FRMD3: variants seen among roughly 807,000 people sequenced by gnomAD.
FRMD3 encodes the protein FERM domain-containing protein 3.
In FRMD3, 33 loss-of-function variants were observed where a neutral mutation model predicts 70.2. That is an observed-to-expected ratio of 0.47 (90% CI 0.36 to 0.63). FRMD3 has a LOEUF of 0.63. Among genes scored for constraint, FRMD3 ranks in the 20% least tolerant of loss-of-function variants. The pLI is 0.00. For missense variants in FRMD3, 632 were observed against 711.4 expected (o/e 0.89, Z 1.27); for synonymous variants, 279 against 255.9 (o/e 1.09, Z -0.86).
upstream of FRMD3, among the ~76,000 whole-genome samples, chr9:83,541,251 ATT>A (rs143159843): frequency 0.017 from 2,654 of 152,354 alleles, 87 homozygotes; most frequent in African/African-American, 0.059. Context: ...GAATTGCAAG[ATT>A]CTGCTAATTT....
intron 6 of FRMD3, among the ~76,000 whole-genome samples, chr9:83,334,880 C>G (rs991623655): frequency 3.3e-5 from 5 of 152,166 alleles, no homozygotes; most frequent in Non-Finnish European, 1.5e-5. Context: ...TGCCTCGGTT[C>G]CCTCATCTGT....
rs62563595 is a variant in FRMD3 at position 83,301,051 on chromosome 9, A to C, written c.927-1865T>G. On this transcript the variant is annotated intron_variant, in intron 10 of 13. Transcript: ENST00000304195. ...GAGTAAGATGGGCAAGGGAGGGCAC[A>C]GGGCTTGGCAGGGGGATCCTGTCAG... Among the ~76,000 whole-genome samples, 1,518 of 152,334 alleles carry C rather than the reference A, an allele frequency of 1.0e-2. 35 individuals carry two copies. The highest frequency in any genetic ancestry group is 0.051 in the Admixed American group (786 of 15,300).
rs555035714 is a variant in FRMD3 at position 83,320,020 on chromosome 9, T to C, written c.597-6273A>G. On this transcript the variant is annotated intron_variant, in intron 6 of 13. Coordinates refer to ENST00000304195, the MANE Select transcript of FRMD3 (RefSeq NM_174938.6). Reference sequence around the variant, plus strand: ...GCATATATATCTTGTATTCCAAAACTTTACTGAATTCATTTATTAAATCTA... The same window carrying C: ...GCATATATATCTTGTATTCCAAAACCTTACTGAATTCATTTATTAAATCTA... 5.3e-5 allele frequency among the ~76,000 whole-genome samples: 8 copies of C among 152,358 alleles called. No individual in the cohort carries two copies. In the East Asian group the frequency reaches 1.5e-3, roughly 29 times the overall value.
At chr9:83,466,204 TC>T (rs1358044442) in intron 1 of FRMD3, among the ~76,000 whole-genome samples, 10 of 152,300 alleles carry the variant, frequency 6.6e-5, no homozygotes, top group African/African-American at 2.2e-4. Flanking sequence ...TACCAAGGGA[TC>T]CCCGAGGGAA....
chr9:83,378,774 A>T (rs11140062), intron 2 of FRMD3, among the ~76,000 whole-genome samples: 12 of 107,480 alleles, frequency 1.1e-4, no homozygotes, highest in African/African-American at 3.9e-4. Flanking sequence ...TATTATATAT[A>T]ATATATATTA....
At chr9:83,392,200 T>C (rs995782550) in intron 1 of FRMD3, among the ~76,000 whole-genome samples, 3 of 152,288 alleles carry the variant, frequency 2.0e-5, no homozygotes, top group East Asian at 3.9e-4. Context: ...AATAGCCCTT[T>C]GCAGTTCTGC....
At chr9:83,328,038 G>A (rs1166676960) in intron 6 of FRMD3, among the ~76,000 whole-genome samples, 1 of 152,106 alleles carries the variant, frequency 6.6e-6, no homozygotes, top group Non-Finnish European at 1.5e-5. Flanking sequence ...GGCCATGCAG[G>A]GACAAGGCTT....
chr9:83,452,667 A>G (rs1432124848), intron 1 of FRMD3, among the ~76,000 whole-genome samples: 3 of 151,788 alleles, frequency 2.0e-5, no homozygotes, highest in Non-Finnish European at 4.4e-5. Flanking sequence ...TATTTTTAGT[A>G]GAGACGGGGT....
At chr9:83,522,063 G>A (rs920315069) in intron 1 of FRMD3, among the ~76,000 whole-genome samples, 2 of 151,432 alleles carry the variant, frequency 1.3e-5, no homozygotes, top group East Asian at 1.9e-4. Flanking sequence ...ACCAAGGAAG[G>A]GGGTGTGGGA....
At chr9:83,307,755 A>G (rs983113260) in intron 10 of FRMD3, among the ~76,000 whole-genome samples, 1 of 152,238 alleles carries the variant, frequency 6.6e-6, no homozygotes, top group South Asian at 2.1e-4. Context: ...TTTGTGAATT[A>G]CACTAAAAAC....
intron 3 of FRMD3, among the ~76,000 whole-genome samples, chr9:83,358,126 G>A (rs568474922): frequency 1.3e-5 from 2 of 152,306 alleles, no homozygotes; most frequent in African/African-American, 4.8e-5. Flanking sequence ...TGAGAGATGA[G>A]GATCCAGTTT....
chr9:83,551,470 C>T, the FRMD3 span, among the ~76,000 whole-genome samples: 3 of 152,086 alleles, frequency 2.0e-5, no homozygotes, highest in Non-Finnish European at 4.4e-5. Flanking sequence ...GCTTTGATAT[C>T]AAAATGACAC....
chr9:83,503,078 G>A (rs2131515715), intron 1 of FRMD3, among the ~76,000 whole-genome samples: 1 of 152,268 alleles, frequency 6.6e-6, no homozygotes, highest in African/African-American at 2.4e-5. Context: ...ATTGGGAAGG[G>A]CAGAATTTCT....
intron 1 of FRMD3, among the ~76,000 whole-genome samples, chr9:83,393,226 A>T (rs1825716736): frequency 6.6e-6 from 1 of 152,218 alleles, no homozygotes; most frequent in African/African-American, 2.4e-5. Context: ...TCTATAGTAC[A>T]CTGTGACTTG....
Position 83,461,665 on chromosome 9 carries a change from C to CTTTTTT in FRMD3, c.148-71963_148-71958dup, listed in dbSNP as rs200147815. On this transcript the variant is annotated intron_variant, in intron 1 of 13. Coordinates refer to ENST00000304195, the MANE Select transcript of FRMD3 (RefSeq NM_174938.6). ...AATCTTAATTCCTTCAGGAATTTCC[C>CTTTTTT]TTTTTTTTTTTTTTTTTTTTTTTTT... is the stretch of plus-strand genomic sequence containing the variant. 4.1e-4 allele frequency among the ~76,000 whole-genome samples: 29 copies of CTTTTTT among 70,698 alleles called. 4 individuals are homozygous for CTTTTTT. The highest frequency in any genetic ancestry group is 1.0e-3 in the South Asian group (2 of 1,944). The allele number at this position is 70,698 out of a possible 152,430, so 46.4% of individuals were successfully genotyped here. A position where few individuals can be genotyped will look rare whatever the true frequency, so the allele number is the denominator to read the frequency against.
chr9:83,504,610 C>T (rs866636203), intron 1 of FRMD3, among the ~76,000 whole-genome samples: 4 of 151,640 alleles, frequency 2.6e-5, no homozygotes, highest in Non-Finnish European at 5.9e-5. Flanking sequence ...CCCCCCACCA[C>T]TTCTTTCAGG....
In FRMD3 at chr9:83,248,298, TAGA is replaced by T. The variant is rs765703121; in HGVS notation, c.1411_1413del (p.Ser471del). 3.7e-6 allele frequency: 6 copies of T among 1,614,000 alleles called. No homozygotes were observed. The African/African-American group carries it at 8.0e-5, about 22-fold the overall frequency. On this transcript the variant is annotated inframe_deletion, in exon 14 of 14. Transcript: ENST00000304195. Reference sequence around the variant, plus strand: ...GTGTCTTCTCTTTCCAACTCAAGCCTAGAAGGACAGTCAAAGAGCATGTCAATC... The same window carrying T: ...GTGTCTTCTCTTTCCAACTCAAGCCTAGGACAGTCAAAGAGCATGTCAATC...
intron 1 of FRMD3, among the ~76,000 whole-genome samples, chr9:83,430,648 C>T (rs749949455): frequency 3.3e-5 from 5 of 152,214 alleles, no homozygotes; most frequent in Admixed American, 1.3e-4. Flanking sequence ...TTCACACCAA[C>T]GAGCCAGCAA....
rs1305667674 is a variant in FRMD3 at position 83,361,927 on chromosome 9, T to C, written c.295+10986A>G. On this transcript the variant is annotated intron_variant, in intron 3 of 13. Coordinates refer to ENST00000304195, the MANE Select transcript of FRMD3 (RefSeq NM_174938.6). ...GCAGGAAGCATTCTTCCCTAGAGCC[T>C]TCGGAGGGAGCATGGCCCTGCTGAC... 3.9e-5 allele frequency among the ~76,000 whole-genome samples: 6 copies of C among 152,150 alleles called. No individual in the cohort carries two copies. In the East Asian group the frequency reaches 1.2e-3, roughly 29 times the overall value.
Sources: allele counts gnomAD v4.1 joint callset (sites outside exome capture counted in the v4.1 genomes callset), GRCh38; gene constraint gnomAD v4.1.1; transcripts MANE v1.5; gene names NCBI Gene and HGNC (gene_info 2026-07-23, HGNC 2026-07-21).